The following GALNT11 variants were observed in gnomAD, a reference collection of about 807,000 sequenced individuals.
GALNT11 encodes the protein polypeptide N-acetylgalactosaminyltransferase 11, also known as UDP-GalNAc:polypeptide N-acetylgalactosaminyltransferase 11.
GALNT11 carries 47 observed loss-of-function variants against 72.7 expected under a neutral mutation model. That is an observed-to-expected ratio of 0.65 (90% CI 0.51 to 0.82). GALNT11 has a LOEUF of 0.82. Among genes scored for constraint, GALNT11 ranks in the 40% least tolerant of loss-of-function variants. The pLI is 0.00. For missense variants in GALNT11, 677 were observed against 778.4 expected, an observed-to-expected ratio of 0.87 and a Z score of 1.55; for synonymous variants, 270 against 286.6, an observed-to-expected ratio of 0.94 and a Z score of 0.58.
In GALNT11 at chr7:152,108,146, T is replaced by C. The variant is rs2087789557; in HGVS notation, c.821T>C (p.Ile274Thr). The C allele has an allele frequency of 2.5e-6, 4 of 1,614,154 alleles. No individual in the cohort carries two copies. Among genetic ancestry groups the C allele is most frequent in the Non-Finnish European group, 3.4e-6 (4 of 1,180,038 alleles). The change falls in exon 6 of 12, where the codon ATT becomes ACT. Residue 274 changes from isoleucine to threonine, a missense_variant. By Grantham distance (89) the Ile-to-Thr change is moderately conservative. Transcript: ENST00000430044. ...CGGCACACCGTGGTGTGCCCAGTGATTGACATCATCAGCGCCGACACGCTG... is the reference window on the plus strand; with the variant it reads ...CGGCACACCGTGGTGTGCCCAGTGACTGACATCATCAGCGCCGACACGCTG... ...EDRHTVVCPV[I>T]DIISADTLAY...
Position 152,027,299 on chromosome 7 carries a change from A to G in GALNT11, c.-39+1415A>G, listed in dbSNP as rs140947081. 5.2e-3 allele frequency among the ~76,000 whole-genome samples: 793 copies of G among 152,332 alleles called. 8 individuals are homozygous for G. Among genetic ancestry groups the G allele is most frequent in the African/African-American group, 0.018 (767 of 41,574 alleles). ...GGGTACATAGTAGGCATATGTATTT[A>G]TAGGTACATGAGATATTTGATATGG... On this transcript the variant is annotated intron_variant, in intron 1 of 11. Transcript: ENST00000430044.
intron 1 of GALNT11, among the ~76,000 whole-genome samples, chr7:152,033,225 G>C (rs1284551270): frequency 6.6e-6 from 1 of 152,158 alleles, no homozygotes; most frequent in Non-Finnish European, 1.5e-5. Context: ...ATGAGGGGGT[G>C]GCTTGTTTCT....
chr7:152,089,731 C>T (rs555054365), intron 1 of GALNT11, among the ~76,000 whole-genome samples: 2 of 152,124 alleles, frequency 1.3e-5, no homozygotes, highest in Non-Finnish European at 2.9e-5. Flanking sequence ...CACCTGTGAG[C>T]ATGTTTAACA....
intron 1 of GALNT11, among the ~76,000 whole-genome samples, chr7:152,077,819 T>C (rs182159877): frequency 6.6e-6 from 1 of 152,048 alleles, no homozygotes; most frequent in Non-Finnish European, 1.5e-5. Context: ...TAACAGAGGA[T>C]AGAAACAGGC....
At chr7:152,090,134 A>C (rs2085916617) in intron 1 of GALNT11, among the ~76,000 whole-genome samples, 1 of 152,198 alleles carries the variant, frequency 6.6e-6, no homozygotes, top group African/African-American at 2.4e-5. Context: ...CTCCTAAGTT[A>C]AACTGGAAAC....
intron 1 of GALNT11, among the ~76,000 whole-genome samples, chr7:152,080,212 C>T (rs560322005): frequency 3.3e-5 from 5 of 152,276 alleles, no homozygotes; most frequent in South Asian, 2.1e-4. Flanking sequence ...AATATTCTTT[C>T]GGTGTGCTTA....
chr7:152,107,796 T>A, intron 5 of GALNT11: 1 of 351,016 alleles, frequency 2.8e-6, no homozygotes, highest in Non-Finnish European at 5.3e-6. Context: ...TTTTCAAGAG[T>A]CGCGCGTATG....
At chr7:152,121,045 C>T in intron 11 of GALNT11, 77 bp downstream of exon 11, 2 of 1,523,624 alleles carry the variant, frequency 1.3e-6, no homozygotes, top group Admixed American at 2.2e-5. Context: ...CAGATGAACT[C>T]ATTTTCTACC....
At chr7:152,075,635 C>T (rs1337719776) in intron 1 of GALNT11, among the ~76,000 whole-genome samples, 3 of 152,064 alleles carry the variant, frequency 2.0e-5, no homozygotes, top group Non-Finnish European at 2.9e-5. Context: ...GGAGAAACTC[C>T]GTCTACAAAA....
At chr7:152,095,060 C>T (rs2086284962) in intron 2 of GALNT11, among the ~76,000 whole-genome samples, 1 of 152,100 alleles carries the variant, frequency 6.6e-6, no homozygotes, top group Non-Finnish European at 1.5e-5. Flanking sequence ...ACATAAAGTA[C>T]TGAGTTTAAA....
intron 1 of GALNT11, among the ~76,000 whole-genome samples, chr7:152,091,192 C>T (rs968561347): frequency 6.4e-4 from 97 of 150,722 alleles, no homozygotes; most frequent in African/African-American, 2.2e-3. Context: ...GGATTACAGG[C>T]GCCCGCCACC....
In GALNT11 at chr7:152,044,506, G is replaced by A. The variant is rs548816429; in HGVS notation, c.-39+18622G>A. Among the ~76,000 whole-genome samples the A allele has an allele frequency of 1.3e-4, 20 of 152,260 alleles. No homozygotes were observed. In the South Asian group the frequency reaches 1.9e-3, roughly 14 times the overall value. On this transcript the variant is annotated intron_variant, in intron 1 of 11. Transcript: ENST00000430044. Reference sequence around the variant, plus strand: ...ATGACTAGATTTGGGGGCCTGTTCCGAACAGTTCACTTGGTTAATTCCTAG... The same window carrying A: ...ATGACTAGATTTGGGGGCCTGTTCCAAACAGTTCACTTGGTTAATTCCTAG...
In GALNT11 at chr7:152,113,388, A is replaced by AT; in HGVS notation, c.1224dup (p.Glu409Ter). 6.2e-7 allele frequency: 1 copy of AT among 1,613,770 alleles called. No individual in the cohort carries two copies. The highest frequency in any genetic ancestry group is 8.5e-7 in the Non-Finnish European group (1 of 1,179,882). On this transcript the variant is annotated frameshift_variant, in exon 8 of 12. Coordinates refer to ENST00000430044, the MANE Select transcript of GALNT11 (RefSeq NM_022087.4). LOFTEE classifies it high-confidence loss of function. ...TTGCGGCTGGCACATGTCTGGTTGG[A>AT]TGAATACAAGGTGAGATGAAATTTC... is the stretch of plus-strand genomic sequence containing the variant.
intron 1 of GALNT11, among the ~76,000 whole-genome samples, chr7:152,084,380 TAAAAA>T (rs11447244): frequency 1.9e-5 from 2 of 105,328 alleles, no homozygotes; most frequent in African/African-American, 7.5e-5. Context: ...CCTGTCTCTT[TAAAAA>T]AAAAAAAAAA....
intron 1 of GALNT11, among the ~76,000 whole-genome samples, chr7:152,035,717 G>A (rs1321219767): frequency 3.9e-5 from 6 of 152,176 alleles, no homozygotes; most frequent in South Asian, 2.1e-4. Context: ...TTAACTGGCC[G>A]CTAGTCACTT....
chr7:152,064,992 G>A (rs1407288088), intron 1 of GALNT11, among the ~76,000 whole-genome samples: 3 of 152,162 alleles, frequency 2.0e-5, no homozygotes, highest in Admixed American at 6.5e-5. Flanking sequence ...GAATTTGAAT[G>A]TTGGCCTGCC....
chr7:152,072,471 G>A (rs2084714554), intron 1 of GALNT11, among the ~76,000 whole-genome samples: 1 of 152,102 alleles, frequency 6.6e-6, no homozygotes, highest in African/African-American at 2.4e-5. Flanking sequence ...TCTCTGTTAA[G>A]CCTTATGTAG....
rs1376999019 is a variant in GALNT11, at chr7:152,120,882, C to A, written c.1609C>A (p.Leu537Ile). The change falls in exon 11 of 12, where the codon CTA becomes ATA. Residue 537 changes from leucine to isoleucine, a missense_variant. Coordinates refer to ENST00000430044, the MANE Select transcript of GALNT11 (RefSeq NM_022087.4). ...HELVLNSLLC[L>I]DMSETRSSDP... ...ATTGGTTTTAAATAGTCTCCTTTGTCTAGATATGTCAGAGACTCGCTCATC... is the reference window on the plus strand; with the variant it reads ...ATTGGTTTTAAATAGTCTCCTTTGTATAGATATGTCAGAGACTCGCTCATC... 5 of 1,613,104 alleles carry A rather than the reference C, an allele frequency of 3.1e-6. No individual in the cohort carries two copies. In the East Asian group the frequency reaches 8.9e-5, roughly 29 times the overall value.
In GALNT11 at chr7:152,100,824, G is replaced by C; in HGVS notation, c.322G>C (p.Glu108Gln). The change falls in exon 3 of 12, where the codon GAG becomes CAG. Residue 108 changes from glutamate to glutamine, a missense_variant. Glu to Gln is a conservative substitution (Grantham distance 29, BLOSUM62 2). Coordinates refer to ENST00000430044, the MANE Select transcript of GALNT11 (RefSeq NM_022087.4). ...LGMIFNERDQ[E>Q]LRDLGYQKHA... ...TATGATTTTTAATGAACGCGATCAA[G>C]AGTTGAGAGACTTGGGCTATCAGAA... 6.2e-7 allele frequency: 1 copy of C among 1,613,942 alleles called. No individual in the cohort carries two copies. The highest frequency in any genetic ancestry group is 8.5e-7 in the Non-Finnish European group (1 of 1,179,982).
Sources: allele counts gnomAD v4.1 joint callset (sites outside exome capture counted in the v4.1 genomes callset), GRCh38; gene constraint gnomAD v4.1.1; transcripts MANE v1.5; gene names NCBI Gene and HGNC (gene_info 2026-07-23, HGNC 2026-07-21).